CADPS2: variants seen among roughly 807,000 people sequenced by gnomAD.
CADPS2 encodes calcium-dependent secretion activator 2.
A neutral mutation model predicts 172.5 loss-of-function variants in CADPS2; 93 were observed. That is an observed-to-expected ratio of 0.54 (90% CI 0.46 to 0.64). CADPS2 has a LOEUF of 0.64. Among genes scored for constraint, CADPS2 ranks in the 30% least tolerant of loss-of-function variants. CADPS2 has a pLI of 0.00. For missense variants in CADPS2, 1,420 were observed against 1,565.9 expected (o/e 0.91, Z 1.57); for synonymous variants, 546 against 555.2 (o/e 0.98, Z 0.23).
chr7:122,340,599 C>T (rs2036620919), intron 28 of CADPS2, among the ~76,000 whole-genome samples: 1 of 152,086 alleles, frequency 6.6e-6, no homozygotes, highest in Non-Finnish European at 1.5e-5. Context: ...CCTTTCCAGC[C>T]CAGAGAGCCA....
chr7:122,882,133 C>T (rs908061219), intron 1 of CADPS2, among the ~76,000 whole-genome samples: 22 of 152,264 alleles, frequency 1.4e-4, no homozygotes, highest in Admixed American at 1.4e-3. Context: ...TACTATTTCC[C>T]CAAATGTTCT....
intron 27 of CADPS2, among the ~76,000 whole-genome samples, chr7:122,356,743 G>A (rs376878865): frequency 1.3e-5 from 2 of 152,158 alleles, no homozygotes; most frequent in South Asian, 2.1e-4. Context: ...ATATTTGCTC[G>A]CTCAAATTAC....
At chr7:122,567,154 A>T (rs1027033849) in intron 7 of CADPS2, among the ~76,000 whole-genome samples, 1 of 152,162 alleles carries the variant, frequency 6.6e-6, no homozygotes, top group Non-Finnish European at 1.5e-5. Flanking sequence ...TTCTTAATTA[A>T]TTATAGATAA....
intron 1 of CADPS2, among the ~76,000 whole-genome samples, chr7:122,882,096 G>A (rs1823069297): frequency 1.3e-5 from 2 of 152,078 alleles, no homozygotes; most frequent in African/African-American, 2.4e-5. Flanking sequence ...TCAAATGAGC[G>A]AGTTGGAGGT....
intron 2 of CADPS2, among the ~76,000 whole-genome samples, chr7:122,724,967 AAAC>A (rs2090928593): frequency 6.6e-6 from 1 of 152,084 alleles, no homozygotes; most frequent in African/African-American, 2.4e-5. Flanking sequence ...TTATTTTAAA[AAAC>A]AAATTTGTGT....
chr7:122,414,396 A>G (rs2047647379), intron 18 of CADPS2, among the ~76,000 whole-genome samples: 1 of 152,214 alleles, frequency 6.6e-6, no homozygotes, highest in Non-Finnish European at 1.5e-5. Flanking sequence ...GCTGAAATAT[A>G]TACTGCAATT....
chr7:122,823,365 C>T (rs1001734111), intron 1 of CADPS2, among the ~76,000 whole-genome samples: 2 of 152,154 alleles, frequency 1.3e-5, no homozygotes, highest in African/African-American at 4.8e-5. Flanking sequence ...ATATTTAGTG[C>T]ATAATATGTA....
At chr7:122,573,662 G>C (rs2067572446) in intron 7 of CADPS2, among the ~76,000 whole-genome samples, 2 of 152,042 alleles carry the variant, frequency 1.3e-5, no homozygotes, top group Non-Finnish European at 2.9e-5. Context: ...AATGTACTTT[G>C]TACTCAAGAA....
chr7:122,656,740 AG>A (rs773461826), intron 3 of CADPS2, among the ~76,000 whole-genome samples: 1 of 152,148 alleles, frequency 6.6e-6, no homozygotes, highest in Non-Finnish European at 1.5e-5. Context: ...CCCAGTCAAA[AG>A]GGGAGACAAA....
chr7:122,472,459 G>A (rs537000258), intron 13 of CADPS2, among the ~76,000 whole-genome samples: 67 of 152,120 alleles, frequency 4.4e-4, no homozygotes, highest in Middle Eastern at 6.8e-3. Context: ...TAAGTGAATT[G>A]TCCAAGACTA....
intron 17 of CADPS2, among the ~76,000 whole-genome samples, chr7:122,427,778 A>AT (rs768456352): frequency 1.3e-4 from 20 of 152,078 alleles, no homozygotes; most frequent in Non-Finnish European, 2.8e-4. Flanking sequence ...CTTTATTTAA[A>AT]TTTTAAGGTA....
intron 5 of CADPS2, among the ~76,000 whole-genome samples, chr7:122,617,053 C>A (rs536112597): frequency 6.6e-6 from 1 of 152,158 alleles, no homozygotes; most frequent in Non-Finnish European, 1.5e-5. Flanking sequence ...ATTGTTGACA[C>A]TGCATCTCTT....
chr7:122,466,277 G>C (rs922131021), intron 14 of CADPS2, among the ~76,000 whole-genome samples: 22 of 152,214 alleles, frequency 1.4e-4, no homozygotes, highest in African/African-American at 5.1e-4. Flanking sequence ...TGAATGGAAG[G>C]TGTGGAAGGA....
intron 1 of CADPS2, among the ~76,000 whole-genome samples, chr7:122,809,230 T>A (rs564317349): frequency 9.9e-5 from 15 of 152,114 alleles, no homozygotes; most frequent in Non-Finnish European, 1.8e-4. Flanking sequence ...CCTCCTAGTG[T>A]GAATCAGCTT....
chr7:122,320,379 AT>A, intron 29 of CADPS2, 41 bp from the exon 30 acceptor site: 1 of 1,516,384 alleles, frequency 6.6e-7, no homozygotes, highest in Non-Finnish European at 8.9e-7. Context: ...CACTTAGATT[AT>A]ATGCGTGTAC....
intron 5 of CADPS2, among the ~76,000 whole-genome samples, chr7:122,615,828 T>C (rs916634745): frequency 6.6e-6 from 1 of 152,120 alleles, no homozygotes; most frequent in Non-Finnish European, 1.5e-5. Flanking sequence ...GTTTAATTTA[T>C]GGACTGTGTC....
Position 122,529,398 on chromosome 7 carries a change from C to A in CADPS2, c.1476-16083G>T, listed in dbSNP as rs180757211. ...CATTTATTTCACTGAAAAAAGTATA[C>A]CCATCCCTAATTTTACAACTATTAT... On this transcript the variant is annotated intron_variant, in intron 8 of 29. Coordinates refer to ENST00000449022, the MANE Select transcript of CADPS2 (RefSeq NM_017954.11). Among the ~76,000 whole-genome samples the A allele has an allele frequency of 6.8e-4, 103 of 152,124 alleles. 1 individual carries two copies. Among genetic ancestry groups the A allele is most frequent in the Non-Finnish European group, 1.3e-4 (9 of 67,938 alleles).
intron 9 of CADPS2, among the ~76,000 whole-genome samples, chr7:122,508,353 T>C (rs1033992623): frequency 2.0e-5 from 3 of 151,550 alleles, no homozygotes; most frequent in Middle Eastern, 3.2e-3. Context: ...CAAAGTGTCA[T>C]TGTTTGATTA....
chr7:122,335,022 A>G (rs2150863871), intron 28 of CADPS2, among the ~76,000 whole-genome samples: 1 of 152,332 alleles, frequency 6.6e-6, no homozygotes, highest in Non-Finnish European at 1.5e-5. Flanking sequence ...TATTCTCACT[A>G]GATTCCTATT....
Sources: gnomAD v4.1 joint callset for allele counts (sites outside exome capture counted in the v4.1 genomes callset) on GRCh38, gnomAD v4.1.1 for gene constraint, MANE v1.5 for transcripts, NCBI Gene and HGNC (gene_info 2026-07-23, HGNC 2026-07-21) for gene names.